Variants in DDX17 observed in about 807,000 individuals in gnomAD.
DDX17 encodes the protein probable ATP-dependent RNA helicase DDX17.
DDX17 carries 10 observed loss-of-function variants against 80.8 expected under a neutral mutation model. The observed-to-expected ratio is 0.12, with a 90% confidence interval of 0.08 to 0.21. DDX17 has a LOEUF of 0.21. DDX17 is among the 10% of genes least tolerant of loss of function. The pLI is 1.00. For missense variants in DDX17, 586 were observed against 957.4 expected (o/e 0.61, Z 5.12); for synonymous variants, 339 against 336.2 (o/e 1.01, Z -0.09).
chr22:38,496,010 A>C, intron 5 of DDX17, 73 bp from the exon 6 acceptor site: 3 of 1,305,198 alleles, frequency 2.3e-6, no homozygotes, highest in Non-Finnish European at 3.0e-6. Context: ...GAAGAAACAA[A>C]ATACAAAAAG....
At position 38,487,969 on chromosome 22, in the gene DDX17, C is replaced by G; in HGVS notation, c.1594G>C (p.Glu532Gln). 1.2e-6 allele frequency: 2 copies of G among 1,614,226 alleles called. No homozygotes were observed. Among genetic ancestry groups the G allele is most frequent in the Non-Finnish European group, 8.5e-7 (1 of 1,180,042 alleles). ...GCCTCTTCCAGCACTTTGATAAGCT[C>G]TCTGGCCTGTTTTAGGTTCCCTGGG... Residue 532 changes from glutamate to glutamine, a missense_variant, in exon 12 of 13, where the codon GAG (glutamate) becomes CAG (glutamine). Physicochemically the swap from Glu to Gln is conservative, Grantham distance 29. This residue lies in a region of DDX17 where 221 missense variants were observed against 261.4 expected (regional missense o/e 0.85). Coordinates refer to ENST00000403230, the MANE Select transcript of DDX17 (RefSeq NM_006386.5).
intron 9 of DDX17, 40 bp from the exon 10 acceptor site, chr22:38,493,811 A>G (rs768849540): frequency 2.5e-6 from 4 of 1,593,412 alleles, no homozygotes; most frequent in African/African-American, 1.3e-5. Flanking sequence ...AAAATCTTTT[A>G]AAGTGGAGAA....
intron 10 of DDX17, 74 bp from the exon 11 acceptor site, chr22:38,492,189 A>G: frequency 8.0e-7 from 1 of 1,257,612 alleles, no homozygotes; most frequent in Non-Finnish European, 1.1e-6. Context: ...ACCATGTTAA[A>G]ATTTCAAATA....
chr22:38,504,205 T>A (rs1040826029), intron 1 of DDX17, among the ~76,000 whole-genome samples: 15 of 152,238 alleles, frequency 9.9e-5, no homozygotes, highest in African/African-American at 3.6e-4. Flanking sequence ...TATCCTTAAT[T>A]AAATGTGTCA....
intron 5 of DDX17, 50 bp from the exon 6 acceptor site, chr22:38,495,987 A>G: frequency 7.1e-7 from 1 of 1,416,026 alleles, no homozygotes; most frequent in African/African-American, 1.5e-5. Flanking sequence ...TTTAAAAAAA[A>G]AAAAAAAAAA....
At chr22:38,505,739 G>C in intron 1 of DDX17, 1 of 565,064 alleles carries the variant, frequency 1.8e-6, no homozygotes, top group Non-Finnish European at 3.0e-6. Context: ...TCCGCACGGA[G>C]AGGCCCAGCG....
At chr22:38,505,787 C>G (rs936885993) in intron 1 of DDX17, 164 bp downstream of exon 1, 2 of 904,916 alleles carry the variant, frequency 2.2e-6, no homozygotes, top group African/African-American at 3.6e-5. Context: ...CCGAGTGACC[C>G]CGGGGCCGAG....
At chr22:38,494,493 A>C in intron 8 of DDX17, 137 bp downstream of exon 8, 1 of 772,860 alleles carries the variant, frequency 1.3e-6, no homozygotes, top group Non-Finnish European at 2.0e-6. Flanking sequence ...TGATATGATG[A>C]TGGATTATCA....
intron 12 of DDX17, among the ~76,000 whole-genome samples, chr22:38,487,034 G>A (rs1452863163): frequency 1.3e-5 from 2 of 152,170 alleles, no homozygotes; most frequent in African/African-American, 4.8e-5. Flanking sequence ...TGGACATGGT[G>A]GCACATACCT....
In DDX17 at chr22:38,499,386, TGAA is replaced by T. The variant is rs2089803688; in HGVS notation, c.538+11_538+13del. On this transcript the variant is annotated intron_variant, in intron 3 of 12. Coordinates refer to ENST00000403230, the MANE Select transcript of DDX17 (RefSeq NM_006386.5). ...AATTTAACAAATTAAGGTTCTAGATTGAAGAACACTTACGTGGGAAGTTAGCAT... is the reference window on the plus strand; with the variant it reads ...AATTTAACAAATTAAGGTTCTAGATTGAACACTTACGTGGGAAGTTAGCAT... 6.2e-7 allele frequency: 1 copy of T among 1,602,872 alleles called. No homozygotes were observed. The highest frequency in any genetic ancestry group is 1.7e-5 in the Admixed American group (1 of 59,990).
chr22:38,493,835 A>T, intron 9 of DDX17, 64 bp from the exon 10 acceptor site: 1 of 1,519,412 alleles, frequency 6.6e-7, no homozygotes, highest in Non-Finnish European at 9.1e-7. Flanking sequence ...CGAACTTTAA[A>T]GCCAAATGCT....
intron 12 of DDX17, among the ~76,000 whole-genome samples, chr22:38,486,644 G>C (rs1003667304): frequency 6.6e-6 from 1 of 152,094 alleles, no homozygotes; most frequent in Non-Finnish European, 1.5e-5. Flanking sequence ...AAAAATTAAA[G>C]GACACTAGAC....
At chr22:38,493,894 T>A in intron 9 of DDX17, 123 bp from the exon 10 acceptor site, 2 of 1,221,750 alleles carry the variant, frequency 1.6e-6, no homozygotes, top group South Asian at 2.6e-5. Flanking sequence ...TAGATGACTG[T>A]GCTCATTAAA....
At position 38,486,170 on chromosome 22, in the gene DDX17, G is replaced by A. The variant is rs770318416; in HGVS notation, c.1955C>T (p.Ala652Val). 19 of 1,614,116 alleles carry A rather than the reference G, an allele frequency of 1.2e-5. No homozygotes were observed. The East Asian group carries it at 3.8e-4, about 32-fold the overall frequency. ...ATAAGTGCCAGCACCATATTCTTGA[G>A]CTGTATAGCTACTGGTGCCATAAGC... The change falls in exon 13 of 13, where the codon GCT becomes GTT. Residue 652 changes from alanine (A) to valine (V), a missense_variant. By Grantham distance (64) the Ala-to-Val change is moderately conservative. This residue lies in a region of DDX17 where 221 missense variants were observed against 261.4 expected (regional missense o/e 0.85). Transcript: ENST00000403230.
chr22:38,493,873 G>C, intron 9 of DDX17, 102 bp from the exon 10 acceptor site: 2 of 1,312,820 alleles, frequency 1.5e-6, no homozygotes, highest in Non-Finnish European at 2.2e-6. Flanking sequence ...AGGTTTGTCA[G>C]GCTTCATGAA....
chr22:38,487,367 T>G (rs1569136907), intron 12 of DDX17, among the ~76,000 whole-genome samples: 3 of 151,884 alleles, frequency 2.0e-5, no homozygotes, highest in African/African-American at 7.2e-5. Context: ...TCCTGTAATC[T>G]CAGCACTTTG....
rs567588807 is a variant in DDX17, at chr22:38,484,336, T to C, written c.*1599A>G. ...GTTTTTACATGCATATATTTCAGCT[T>C]ATGCTGAAGACCTACCTGTATGTTG... is the stretch of plus-strand genomic sequence containing the variant. On this transcript the variant is annotated 3_prime_UTR_variant, in exon 13 of 13. Coordinates refer to ENST00000403230, the MANE Select transcript of DDX17 (RefSeq NM_006386.5). 6.6e-6 allele frequency: 1 copy of C among 152,376 alleles called. No homozygotes were observed. The highest frequency in any genetic ancestry group is 1.5e-5 in the Non-Finnish European group (1 of 68,044). The allele number at this position is 152,376 out of a possible 1,614,324, so 9.4% of individuals were successfully genotyped here. A position where few individuals can be genotyped will look rare whatever the true frequency, so the allele number is the denominator to read the frequency against.
intron 5 of DDX17, among the ~76,000 whole-genome samples, chr22:38,497,515 G>A (rs987169691): frequency 2.7e-4 from 40 of 150,072 alleles, no homozygotes; most frequent in African/African-American, 8.8e-4. Context: ...CTACTCGGGA[G>A]GCTGAGGCAG....
intron 11 of DDX17, chr22:38,488,588 G>C: frequency 1.0e-6 from 1 of 989,756 alleles, no homozygotes; most frequent in African/African-American, 1.7e-5. Flanking sequence ...CTTTAAACCA[G>C]TCACAGAGCA....
Sources: allele counts gnomAD v4.1 joint callset (sites outside exome capture counted in the v4.1 genomes callset), GRCh38; gene constraint gnomAD v4.1.1; regional missense constraint gnomAD v4.1.1; transcripts MANE v1.5; gene names NCBI Gene and HGNC (gene_info 2026-07-23, HGNC 2026-07-21).